RALYL: variants seen among roughly 807,000 people sequenced by gnomAD.
The protein encoded by RALYL is RNA-binding Raly-like protein.
In RALYL, 29 loss-of-function variants were observed where a neutral mutation model predicts 35.1. The observed-to-expected ratio is 0.83, with a 90% CI of 0.61 to 1.13. The LOEUF is 1.13. Among genes scored for constraint, RALYL ranks in the 50% most tolerant of loss-of-function variants. The pLI is 0.00. For missense variants in RALYL, 359 were observed against 360.4 expected (o/e 1.00, Z 0.03); for synonymous variants, 120 against 127.6 (o/e 0.94, Z 0.40).
At chr8:84,761,257 C>T (rs1270643952) in intron 2 of RALYL, among the ~76,000 whole-genome samples, 1 of 151,428 alleles carries the variant, frequency 6.6e-6, no homozygotes, top group Non-Finnish European at 1.5e-5. Flanking sequence ...CTTTAAAGAC[C>T]TTTAAAATTG....
chr8:84,754,772 T>C (rs1176222017), intron 2 of RALYL, among the ~76,000 whole-genome samples: 2 of 152,154 alleles, frequency 1.3e-5, no homozygotes, highest in Non-Finnish European at 2.9e-5. Flanking sequence ...TGATTACTGA[T>C]AGATGCCACC....
chr8:84,878,936 G>C (rs186390590), intron 7 of RALYL, among the ~76,000 whole-genome samples: 1 of 152,118 alleles, frequency 6.6e-6, no homozygotes, highest in Non-Finnish European at 1.5e-5. Flanking sequence ...CCCAAGGCAC[G>C]GGAACCATCT....
At chr8:84,192,832 C>G (rs1178561942) in intron 1 of RALYL, among the ~76,000 whole-genome samples, 4 of 146,752 alleles carry the variant, frequency 2.7e-5, no homozygotes. Context: ...CTGGAATCAC[C>G]GTGCCCAGCC....
intron 2 of RALYL, among the ~76,000 whole-genome samples, chr8:84,646,336 T>C (rs1827493533): frequency 6.6e-6 from 1 of 152,066 alleles, no homozygotes; most frequent in South Asian, 2.1e-4. Flanking sequence ...TGGGTTCAAT[T>C]GATTCTCATT....
intron 1 of RALYL, among the ~76,000 whole-genome samples, chr8:84,233,368 G>T (rs1255204296): frequency 2.0e-5 from 3 of 152,112 alleles, no homozygotes; most frequent in Admixed American, 6.6e-5. Flanking sequence ...ATTTGGTGGA[G>T]ACATTTTATT....
chr8:84,699,054 A>ATAGATAGATAGG (rs777697138), intron 2 of RALYL, among the ~76,000 whole-genome samples: 1 of 148,858 alleles, frequency 6.7e-6, no homozygotes, highest in African/African-American at 2.5e-5. Context: ...AGATAGATAG[A>ATAGATAGATAGG]TAGGATAAAT....
intron 5 of RALYL, among the ~76,000 whole-genome samples, chr8:84,850,810 C>G (rs1835697330): frequency 6.6e-6 from 1 of 152,144 alleles, no homozygotes; most frequent in African/African-American, 2.4e-5. Flanking sequence ...TTAGCTTTGA[C>G]ATTCTATCAA....
chr8:84,585,304 G>A (rs928966885), intron 2 of RALYL, among the ~76,000 whole-genome samples: 1 of 152,046 alleles, frequency 6.6e-6, no homozygotes, highest in African/African-American at 2.4e-5. Context: ...AAAGCCCTCT[G>A]GGAAAAGTCT....
intron 2 of RALYL, among the ~76,000 whole-genome samples, chr8:84,645,878 T>G (rs1418988367): frequency 6.6e-6 from 1 of 152,132 alleles, no homozygotes; most frequent in East Asian, 1.9e-4. Flanking sequence ...TTTTGTACCT[T>G]GTCATTTCAT....
chr8:84,545,080 CTT>C (rs1312355825), intron 2 of RALYL, among the ~76,000 whole-genome samples: 1 of 151,994 alleles, frequency 6.6e-6, no homozygotes, highest in African/African-American at 2.4e-5. Context: ...GTTTATGTCT[CTT>C]ATCCATGTGG....
chr8:84,622,877 G>A (rs758592821), intron 2 of RALYL, among the ~76,000 whole-genome samples: 11 of 151,986 alleles, frequency 7.2e-5, no homozygotes, highest in Admixed American at 1.3e-4. Context: ...TATCTACGTG[G>A]AAAAAAATAG....
chr8:84,527,728 A>T (rs1265646846), intron 1 of RALYL, among the ~76,000 whole-genome samples: 1 of 152,162 alleles, frequency 6.6e-6, no homozygotes, highest in South Asian at 2.1e-4. Context: ...CTTCAACTCT[A>T]CTTTGAATAA....
intron 2 of RALYL, among the ~76,000 whole-genome samples, chr8:84,690,986 A>T (rs935766867): frequency 3.9e-5 from 6 of 152,100 alleles, no homozygotes; most frequent in Non-Finnish European, 7.4e-5. Flanking sequence ...GGAATTGCTA[A>T]TTTTTTATCT....
intron 6 of RALYL, among the ~76,000 whole-genome samples, chr8:84,869,486 G>C (rs915979765): frequency 6.6e-6 from 1 of 152,150 alleles, no homozygotes; most frequent in African/African-American, 2.4e-5. Flanking sequence ...TAGGAAGCAT[G>C]GTATTGGTAA....
rs73297882 is a variant in RALYL at position 84,222,785 on chromosome 8, G to A, written c.-24+38361G>A. 2.2e-3 allele frequency among the ~76,000 whole-genome samples: 330 copies of A among 152,216 alleles called. 2 individuals are homozygous for A. Among genetic ancestry groups the A allele is most frequent in the African/African-American group, 7.4e-3 (306 of 41,542 alleles). On this transcript the variant is annotated intron_variant, in intron 1 of 8. Coordinates refer to ENST00000521268, the MANE Select transcript of RALYL (RefSeq NM_173848.7). ...CTCAGCTTCTTATGTAACAAGCAGAGGTGAAGGAGTGGGGGAAAAATGCTA... is the reference window on the plus strand; with the variant it reads ...CTCAGCTTCTTATGTAACAAGCAGAAGTGAAGGAGTGGGGGAAAAATGCTA...
At chr8:84,361,082 G>A (rs1185190378) in intron 1 of RALYL, among the ~76,000 whole-genome samples, 1 of 152,192 alleles carries the variant, frequency 6.6e-6, no homozygotes, top group East Asian at 1.9e-4. Context: ...TTGGGTCTGA[G>A]TGTAAGCACT....
intron 4 of RALYL, among the ~76,000 whole-genome samples, chr8:84,811,138 G>A (rs575995693): frequency 6.6e-6 from 1 of 151,930 alleles, no homozygotes; most frequent in South Asian, 2.1e-4. Context: ...AAGAGGTTCT[G>A]TTTTGATGCG....
chr8:84,328,784 G>A (rs1489826394), intron 1 of RALYL, among the ~76,000 whole-genome samples: 5 of 152,060 alleles, frequency 3.3e-5, no homozygotes, highest in Admixed American at 6.6e-5. Context: ...GGAGTCCCCA[G>A]TGTCTATCAT....
At chr8:84,486,493 C>A (rs181568156) in intron 1 of RALYL, among the ~76,000 whole-genome samples, 1 of 151,808 alleles carries the variant, frequency 6.6e-6, no homozygotes, top group Non-Finnish European at 1.5e-5. Flanking sequence ...CTCTGCTTTG[C>A]ATATTCATAA....
Sources: gnomAD v4.1 joint callset for allele counts (sites outside exome capture counted in the v4.1 genomes callset) on GRCh38, gnomAD v4.1.1 for gene constraint, MANE v1.5 for transcripts, NCBI Gene and HGNC (gene_info 2026-07-23, HGNC 2026-07-21) for gene names.